The following EPHA5 variants were observed in gnomAD, a reference collection of about 807,000 sequenced individuals.
The protein encoded by EPHA5 is ephrin type-A receptor 5.
In EPHA5, 60 loss-of-function variants were observed where a neutral mutation model predicts 105.0. The observed-to-expected ratio is 0.57, with a 90% CI of 0.46 to 0.71. The LOEUF is 0.71. Among genes scored for constraint, EPHA5 ranks in the 30% least tolerant of loss-of-function variants. EPHA5 has a pLI of 0.00. For synonymous variants in EPHA5, 513 were observed against 449.1 expected, an observed-to-expected ratio of 1.14 and a Z score of -1.80; for missense variants, 1,218 against 1,274.7, an observed-to-expected ratio of 0.96 and a Z score of 0.68.
At chr4:65,619,232 A>G (rs900633031) in intron 2 of EPHA5, among the ~76,000 whole-genome samples, 1 of 152,204 alleles carries the variant, frequency 6.6e-6, no homozygotes, top group Admixed American at 6.5e-5. Flanking sequence ...CTTCATAGAC[A>G]TTTGCACTAA....
intron 1 of EPHA5, among the ~76,000 whole-genome samples, chr4:65,667,096 G>T (rs1381625306): frequency 2.0e-5 from 3 of 152,028 alleles, no homozygotes; most frequent in African/African-American, 4.8e-5. Context: ...AAATCTTTCT[G>T]CCCCCTGACC....
At chr4:65,345,142 G>T (rs1457191506) in intron 14 of EPHA5, among the ~76,000 whole-genome samples, 1 of 152,134 alleles carries the variant, frequency 6.6e-6, no homozygotes. Flanking sequence ...ACACAGTTTT[G>T]TCATAGTCCC....
At chr4:65,519,948 C>G (rs1232149428) in intron 3 of EPHA5, among the ~76,000 whole-genome samples, 1 of 152,136 alleles carries the variant, frequency 6.6e-6, no homozygotes, top group Non-Finnish European at 1.5e-5. Context: ...AATGGCCATA[C>G]TGCCCAAAGT....
At position 65,576,098 on chromosome 4, in the gene EPHA5, G is replaced by GAAA. The variant is rs1250522549; in HGVS notation, c.910+25540_910+25542dup. ...GAAAAGAAAAGAAAAGAAAAGAAAA[G>GAAA]AAAAGAAAAGAAAAGAAAAAAGAAA... On this transcript the variant is annotated intron_variant, in intron 3 of 16. Coordinates refer to ENST00000613740, the MANE Select transcript of EPHA5 (RefSeq NM_001281766.3). Among the ~76,000 whole-genome samples the GAAA allele has an allele frequency of 5.6e-3, 427 of 76,654 alleles. 3 individuals carry two copies. Among genetic ancestry groups the GAAA allele is most frequent in the South Asian group, 8.4e-3 (17 of 2,014 alleles). 50.3% of individuals were successfully genotyped at this position (76,654 alleles called of 152,430 possible). A position where few individuals can be genotyped will look rare whatever the true frequency, so the allele number is the denominator to read the frequency against.
intron 13 of EPHA5, 120 bp downstream of exon 13, chr4:65,351,269 C>T (rs1722784533): frequency 1.1e-6 from 1 of 882,526 alleles, no homozygotes; most frequent in Non-Finnish European, 1.7e-6. Flanking sequence ...CTCTCCCCCT[C>T]ATTCTCTCTC....
intron 7 of EPHA5, among the ~76,000 whole-genome samples, chr4:65,405,814 C>A (rs1352355941): frequency 1.3e-5 from 2 of 152,036 alleles, no homozygotes; most frequent in African/African-American, 4.8e-5. Flanking sequence ...AAACTACCCC[C>A]AGAGTCGCTA....
chr4:65,359,992 A>G (rs1717119807), intron 11 of EPHA5, among the ~76,000 whole-genome samples: 1 of 151,726 alleles, frequency 6.6e-6, no homozygotes, highest in South Asian at 2.1e-4. Context: ...TGCAGCGCCA[A>G]TGGCCTTCTT....
chr4:65,561,424 C>A (rs1033638207), intron 3 of EPHA5, among the ~76,000 whole-genome samples: 2 of 151,992 alleles, frequency 1.3e-5, no homozygotes, highest in African/African-American at 4.8e-5. Flanking sequence ...CTGTTCAGAT[C>A]CATCATTCAT....
At chr4:65,586,355 A>AT (rs1182586320) in intron 3 of EPHA5, among the ~76,000 whole-genome samples, 1 of 151,640 alleles carries the variant, frequency 6.6e-6, no homozygotes, top group Non-Finnish European at 1.5e-5. Context: ...GTTCATTGTG[A>AT]TTTTTTTCAT....
At chr4:65,374,671 T>A (rs1718812967) in intron 8 of EPHA5, among the ~76,000 whole-genome samples, 1 of 151,916 alleles carries the variant, frequency 6.6e-6, no homozygotes, top group Non-Finnish European at 1.5e-5. Flanking sequence ...AATGTATATG[T>A]ATCATATTAT....
At chr4:65,468,667 A>G (rs1262157885) in intron 5 of EPHA5, among the ~76,000 whole-genome samples, 2 of 10,848 alleles carry the variant, frequency 1.8e-4, no homozygotes, top group Non-Finnish European at 2.9e-4. Context: ...TAAAATATAT[A>G]TAACATATAT....
At chr4:65,376,168 G>A (rs568697965) in intron 8 of EPHA5, among the ~76,000 whole-genome samples, 1 of 151,904 alleles carries the variant, frequency 6.6e-6, no homozygotes, top group African/African-American at 2.4e-5. Context: ...AAAGCCCCTA[G>A]GAAACTCTAT....
At chr4:65,407,817 A>G (rs760269899) in intron 7 of EPHA5, among the ~76,000 whole-genome samples, 1 of 151,824 alleles carries the variant, frequency 6.6e-6, no homozygotes, top group Non-Finnish European at 1.5e-5. Context: ...GTGTAGTGGC[A>G]TGATCTCGGC....
At chr4:65,472,012 GAGACA>G (rs1311283807) in intron 5 of EPHA5, among the ~76,000 whole-genome samples, 1 of 152,274 alleles carries the variant, frequency 6.6e-6, no homozygotes, top group Non-Finnish European at 1.5e-5. Context: ...AGTCTCATCT[GAGACA>G]AGACAAGTCC....
intron 3 of EPHA5, among the ~76,000 whole-genome samples, chr4:65,557,474 G>A (rs1738576800): frequency 6.6e-6 from 1 of 151,670 alleles, no homozygotes; most frequent in Non-Finnish European, 1.5e-5. Context: ...AGGGTATCAT[G>A]TGAAAATCTT....
intron 3 of EPHA5, among the ~76,000 whole-genome samples, chr4:65,563,273 A>G (rs1739205468): frequency 1.3e-5 from 2 of 152,130 alleles, no homozygotes; most frequent in Middle Eastern, 3.4e-3. Context: ...TTGATGGCTG[A>G]TGAAAACAAA....
intron 3 of EPHA5, among the ~76,000 whole-genome samples, chr4:65,539,229 C>A (rs1736589255): frequency 6.6e-6 from 1 of 151,608 alleles, no homozygotes; most frequent in African/African-American, 2.4e-5. Flanking sequence ...TGTGGAAACT[C>A]TGACAAGTCT....
chr4:65,547,056 G>A lies in EPHA5; in HGVS notation c.911-51513C>T, dbSNP rs1737446876. Among the ~76,000 whole-genome samples the A allele has an allele frequency of 2.0e-5, 3 of 152,038 alleles. No homozygotes were observed. In the South Asian group the frequency reaches 6.2e-4, roughly 31 times the overall value. On this transcript the variant is annotated intron_variant, in intron 3 of 16. Transcript: ENST00000613740. ...AACCTTAAATATAGTGTTCACCACTGTGAAAACTGTAATAACAGATGCTCA... is the reference window on the plus strand; with the variant it reads ...AACCTTAAATATAGTGTTCACCACTATGAAAACTGTAATAACAGATGCTCA...
intron 5 of EPHA5, among the ~76,000 whole-genome samples, chr4:65,464,028 A>G (rs1186806756): frequency 1.3e-5 from 2 of 151,910 alleles, no homozygotes; most frequent in African/African-American, 4.8e-5. Context: ...AAATATTAAG[A>G]CTACAACAAG....
Sources: gnomAD v4.1 joint callset for allele counts (sites outside exome capture counted in the v4.1 genomes callset) on GRCh38, gnomAD v4.1.1 for gene constraint, MANE v1.5 for transcripts, NCBI Gene and HGNC (gene_info 2026-07-23, HGNC 2026-07-21) for gene names.